ATP6V0A2: variants seen among roughly 807,000 people sequenced by gnomAD.
ATP6V0A2 encodes the protein ATPase H+ transporting V0 subunit a2.
ATP6V0A2 carries 58 observed loss-of-function variants against 104.4 expected under a neutral mutation model. That is an observed-to-expected ratio of 0.56 (90% confidence interval 0.45 to 0.69). The LOEUF is 0.69. Among genes scored for constraint, ATP6V0A2 ranks in the 30% least tolerant of loss-of-function variants. The pLI is 0.00. For synonymous variants in ATP6V0A2, 376 were observed against 397.9 expected (o/e 0.95, Z 0.65); for missense variants, 938 against 1,062.9 (o/e 0.88, Z 1.63).
At chr12:123,746,757 G>A (rs569234102) in intron 13 of ATP6V0A2, among the ~76,000 whole-genome samples, 7 of 151,858 alleles carry the variant, frequency 4.6e-5, no homozygotes, top group Non-Finnish European at 8.8e-5. Context: ...GACCAGTTTG[G>A]CCAACATGGC....
At position 123,758,032 on chromosome 12, in the gene ATP6V0A2, A is replaced by G. The variant is rs1234905832; in HGVS notation, c.2571A>G (p.Ter857TrpextTer38). The G allele has an allele frequency of 6.3e-7, 1 of 1,590,366 alleles. No individual in the cohort carries two copies. Among genetic ancestry groups the G allele is most frequent in the Non-Finnish European group, 8.6e-7 (1 of 1,158,664 alleles). The change falls in exon 20 of 20, where the codon TGA (stop) becomes TGG (tryptophan). Residue 857 changes from the stop codon to tryptophan, a stop_lost. Coordinates refer to ENST00000330342, the MANE Select transcript of ATP6V0A2 (RefSeq NM_012463.4). Reference sequence around the variant, plus strand: ...TCAATAACGACGACAGTGTGGCATGATCATATTGCTGTAACCAACAAGCTT... The same window carrying G: ...TCAATAACGACGACAGTGTGGCATGGTCATATTGCTGTAACCAACAAGCTT... ...SKFNNDDSVA[*>W]
intron 8 of ATP6V0A2, among the ~76,000 whole-genome samples, chr12:123,736,354 G>A (rs1344001723): frequency 1.3e-5 from 2 of 151,822 alleles, no homozygotes; most frequent in Admixed American, 6.6e-5. Flanking sequence ...ACCACACCCT[G>A]CTAATTTTTT....
At position 123,725,537 on chromosome 12, in the gene ATP6V0A2, G is replaced by A. The variant is rs1024108198; in HGVS notation, c.433-660G>A. On this transcript the variant is annotated intron_variant, in intron 4 of 19. Coordinates refer to ENST00000330342, the MANE Select transcript of ATP6V0A2 (RefSeq NM_012463.4). ...TTACACCTGTAATCCCAGCACTTTG[G>A]GAGGCCAAAGCTGGAGGATGGCTTG... 2.6e-5 allele frequency among the ~76,000 whole-genome samples: 4 copies of A among 152,128 alleles called. No homozygotes were observed. The East Asian group carries it at 7.7e-4, about 29-fold the overall frequency.
chr12:123,757,105 C>G, intron 19 of ATP6V0A2, 119 bp downstream of exon 19: 1 of 1,112,726 alleles, frequency 9.0e-7, no homozygotes, highest in South Asian at 1.3e-5. Context: ...TAGGCCAGTT[C>G]TTCCCTTCCC....
At chr12:123,728,959 G>A (rs556575565) in intron 6 of ATP6V0A2, among the ~76,000 whole-genome samples, 1 of 150,898 alleles carries the variant, frequency 6.6e-6, no homozygotes, top group African/African-American at 2.5e-5. Context: ...CTGATCACTT[G>A]ATTAGTTCCA....
At chr12:123,731,061 A>T (rs1376848983) in intron 6 of ATP6V0A2, 1 of 152,244 alleles carries the variant, frequency 6.6e-6, no homozygotes, top group Non-Finnish European at 1.5e-5. Flanking sequence ...CTGTGAAGGA[A>T]TACAGAGAAT....
chr12:123,745,477 C>T (rs943090692), intron 13 of ATP6V0A2, among the ~76,000 whole-genome samples: 12 of 151,938 alleles, frequency 7.9e-5, no homozygotes, highest in African/African-American at 2.2e-4. Flanking sequence ...GAGGCCGAGG[C>T]GGGCAGATCA....
chr12:123,714,869 C>T (rs907647470), intron 1 of ATP6V0A2, among the ~76,000 whole-genome samples: 1 of 152,136 alleles, frequency 6.6e-6, no homozygotes, highest in African/African-American at 2.4e-5. Flanking sequence ...ATCACAAGGC[C>T]AAGAGTTCGA....
intron 7 of ATP6V0A2, among the ~76,000 whole-genome samples, chr12:123,735,141 T>TTG (rs1566281667): frequency 1.2e-5 from 1 of 80,464 alleles, no homozygotes; most frequent in African/African-American, 4.8e-5. Context: ...CCTTTTGTTT[T>TTG]CGTGTGTGTG....
rs139111126 is a variant in ATP6V0A2, at chr12:123,737,109, C to T, written c.876C>T (p.Ala292=). The T allele has an allele frequency of 5.0e-5, 80 of 1,614,066 alleles. No individual in the cohort carries two copies. Among genetic ancestry groups the T allele is most frequent in the Non-Finnish European group, 6.2e-5 (73 of 1,180,044 alleles). ...DYLRQVLCKA[A]ESVYSRVIQV... ...TGAGGCAAGTGCTATGTAAAGCCGC[C>T]GAGTCTGTCTACAGCCGTGTGATCC... is the stretch of plus-strand genomic sequence containing the variant. Residue 292 remains alanine (A), a synonymous_variant, in exon 9 of 20, where the codon GCC becomes GCT. Transcript: ENST00000330342.
intron 13 of ATP6V0A2, among the ~76,000 whole-genome samples, chr12:123,747,036 G>C (rs1188528517): frequency 6.6e-6 from 1 of 152,208 alleles, no homozygotes; most frequent in Admixed American, 6.5e-5. Flanking sequence ...CAGTCAATGA[G>C]TGGGGAAGTT....
intron 8 of ATP6V0A2, among the ~76,000 whole-genome samples, chr12:123,736,323 C>T (rs1956553346): frequency 6.6e-6 from 1 of 151,430 alleles, no homozygotes; most frequent in East Asian, 1.9e-4. Flanking sequence ...TCCCAAGTAG[C>T]TGGGATTATA....
At chr12:123,745,034 G>A (rs1361471033) in intron 13 of ATP6V0A2, 62 bp downstream of exon 13, 13 of 1,497,392 alleles carry the variant, frequency 8.7e-6, no homozygotes, top group African/African-American at 2.8e-5. Context: ...AGCTTCGGGC[G>A]CCACGAGTTT....
intron 2 of ATP6V0A2, among the ~76,000 whole-genome samples, chr12:123,721,808 G>T (rs1179185343): frequency 6.6e-6 from 1 of 152,262 alleles, no homozygotes; most frequent in Non-Finnish European, 1.5e-5. Flanking sequence ...GGCTCTTGGT[G>T]CTGGGTGGGT....
chr12:123,737,152 G>A lies in ATP6V0A2; in HGVS notation c.919G>A (p.Ala307Thr), dbSNP rs1216813403. ...TGTGATCCAGGTGAAGAAAATGAAGGCCATCTATCACATGCTGAACATGTG... is the reference window on the plus strand; with the variant it reads ...TGTGATCCAGGTGAAGAAAATGAAGACCATCTATCACATGCTGAACATGTG... ...SRVIQVKKMK[A>T]IYHMLNMCSF... The change falls in exon 9 of 20, where the codon GCC becomes ACC. Residue 307 changes from alanine to threonine, a missense_variant. Physicochemically the swap from Ala to Thr is moderately conservative, Grantham distance 58. Transcript: ENST00000330342. 6.2e-7 allele frequency: 1 copy of A among 1,614,160 alleles called. No homozygotes were observed.
Position 123,726,186 on chromosome 12 carries a change from T to C in ATP6V0A2, c.433-11T>C. On this transcript the variant is annotated splice_polypyrimidine_tract_variant and intron_variant, in intron 4 of 19. Coordinates refer to ENST00000330342, the MANE Select transcript of ATP6V0A2 (RefSeq NM_012463.4). ...AATGAGACACACTTGGTTTCATATG[T>C]TTATTTCTAGTTTGAACCCACTTAT... The C allele has an allele frequency of 6.3e-7, 1 of 1,589,578 alleles. No individual in the cohort carries two copies. The highest frequency in any genetic ancestry group is 1.3e-5 in the African/African-American group (1 of 74,482).
Position 123,751,220 on chromosome 12 carries a change from G to T in ATP6V0A2, c.2046G>T (p.Gly682=). 1.2e-6 allele frequency: 2 copies of T among 1,614,178 alleles called. No individual in the cohort carries two copies. The highest frequency in any genetic ancestry group is 4.5e-5 in the East Asian group (2 of 44,874). The change falls in exon 16 of 20, where the codon GGG becomes GGT. Residue 682 remains glycine (G), a synonymous_variant. Transcript: ENST00000330342. ...LWLHNGRSCF[G]VNRSGYTLIR... is the part of the protein sequence containing the mutation. Reference sequence around the variant, plus strand: ...TTCACAATGGGCGTAGTTGCTTCGGGGTGAACCGGGTAAGTGCGGGTTTGG... The same window carrying T: ...TTCACAATGGGCGTAGTTGCTTCGGTGTGAACCGGGTAAGTGCGGGTTTGG...
Position 123,757,931 on chromosome 12 carries a change from G to A in ATP6V0A2, c.2470G>A (p.Glu824Lys). 1.3e-6 allele frequency: 2 copies of A among 1,554,006 alleles called. No individual in the cohort carries two copies. Among genetic ancestry groups the A allele is most frequent in the Admixed American group, 1.8e-5 (1 of 56,170 alleles). ...FLHAIRLHWV[E>K]FQNKFYVGAG... is the part of the protein sequence containing the mutation. Reference sequence around the variant, plus strand: ...CATGGCTTTTTTTTTTTTTAGGGTAGAATTTCAGAACAAATTCTACGTTGG... The same window carrying A: ...CATGGCTTTTTTTTTTTTTAGGGTAAAATTTCAGAACAAATTCTACGTTGG... Residue 824 changes from glutamate to lysine, a missense_variant, in exon 20 of 20, where the codon GAA becomes AAA. By Grantham distance (56) the Glu-to-Lys change is moderately conservative. Transcript: ENST00000330342.
intron 6 of ATP6V0A2, chr12:123,731,949 C>T (rs941637090): frequency 6.6e-6 from 1 of 152,178 alleles, no homozygotes; most frequent in African/African-American, 2.4e-5. Flanking sequence ...TTAGAGATCT[C>T]ACATAATTTT....
Sources: allele counts gnomAD v4.1 joint callset (sites outside exome capture counted in the v4.1 genomes callset), GRCh38; gene constraint gnomAD v4.1.1; transcripts MANE v1.5; gene names NCBI Gene and HGNC (gene_info 2026-07-23, HGNC 2026-07-21).